The following SMIM14 variants were observed in gnomAD, a reference collection of about 807,000 sequenced individuals.
SMIM14 encodes chromosome 4 open reading frame 34.
A neutral mutation model predicts 12.6 loss-of-function variants in SMIM14; 5 were observed. That is an observed-to-expected ratio of 0.40 (90% confidence interval 0.21 to 0.83). The LOEUF (loss-of-function observed/expected upper bound fraction) is 0.83, where lower values mean the gene tolerates loss of function less well. Ranked by LOEUF, SMIM14 falls within the 40% of genes least tolerant of loss-of-function variation. SMIM14 has a pLI of 0.37. For missense variants in SMIM14, 86 were observed against 119.1 expected, an observed-to-expected ratio of 0.72 and a Z score of 1.29; for synonymous variants, 30 against 40.1, an observed-to-expected ratio of 0.75 and a Z score of 0.95.
At chr4:39,597,482 T>C (rs1714419076) in intron 2 of SMIM14, among the ~76,000 whole-genome samples, 1 of 148,194 alleles carries the variant, frequency 6.7e-6, no homozygotes. Context: ...CTGGCTCTGT[T>C]GCCCAGGCTG....
chr4:39,628,659 G>A (rs1192859421), intron 1 of SMIM14, among the ~76,000 whole-genome samples: 1 of 150,230 alleles, frequency 6.7e-6, no homozygotes, highest in Non-Finnish European at 1.5e-5. Flanking sequence ...TCCAGCCTGG[G>A]TGACAAGGCG....
chr4:39,606,453 C>T (rs1444296528), intron 1 of SMIM14, among the ~76,000 whole-genome samples: 1 of 151,844 alleles, frequency 6.6e-6, no homozygotes, highest in Non-Finnish European at 1.5e-5. Flanking sequence ...CCATCCTGGC[C>T]AACATGGTGA....
At position 39,598,120 on chromosome 4, in the gene SMIM14, G is replaced by C. The variant is rs181418105; in HGVS notation, c.75+6951C>G. On this transcript the variant is annotated intron_variant, in intron 2 of 4. Coordinates refer to ENST00000295958, the MANE Select transcript of SMIM14 (RefSeq NM_174921.3). ...AAAAGTTTTCTACTTGTCTTAGACA[G>C]CAACTCTCGTGGTTTTAGCCTGGTA... Among the ~76,000 whole-genome samples the C allele has an allele frequency of 2.0e-5, 3 of 152,284 alleles. No individual in the cohort carries two copies. In the East Asian group the frequency reaches 5.8e-4, roughly 29 times the overall value.
intron 2 of SMIM14, among the ~76,000 whole-genome samples, chr4:39,602,275 T>C (rs1458012753): frequency 2.0e-5 from 3 of 147,268 alleles, no homozygotes; most frequent in Non-Finnish European, 4.5e-5. Context: ...TGATAATGGA[T>C]GCATGAGAGG....
chr4:39,620,922 T>G (rs1168916192), intron 1 of SMIM14: 1 of 152,138 alleles, frequency 6.6e-6, no homozygotes, highest in African/African-American at 2.4e-5. Flanking sequence ...CCTCAAAATA[T>G]ATCTATTTAT....
chr4:39,602,330 C>T (rs10030596), intron 2 of SMIM14, among the ~76,000 whole-genome samples: 54,693 of 151,698 alleles, frequency 0.36, 10,144 homozygotes, highest in Non-Finnish European at 0.39. Flanking sequence ...CGCAGTGGCT[C>T]ACGCCTGTAA....
chr4:39,628,658 G>C (rs1715789736), intron 1 of SMIM14, among the ~76,000 whole-genome samples: 1 of 149,954 alleles, frequency 6.7e-6, no homozygotes, highest in Non-Finnish European at 1.5e-5. Flanking sequence ...CTCCAGCCTG[G>C]GTGACAAGGC....
At chr4:39,572,277 CTTT>C (rs71192876) in intron 3 of SMIM14, 135 bp downstream of exon 3, 500 of 210,546 alleles carry the variant, frequency 2.4e-3, no homozygotes, top group African/African-American at 8.3e-3. Flanking sequence ...GTATGTGTCG[CTTT>C]TTTTTTTTTT....
intron 3 of SMIM14, among the ~76,000 whole-genome samples, chr4:39,565,606 C>A (rs1014881483): frequency 1.3e-5 from 2 of 152,174 alleles, no homozygotes; most frequent in African/African-American, 4.8e-5. Flanking sequence ...CAAGTGTGAT[C>A]CACTGTGCCC....
chr4:39,608,175 G>A (rs941218738), intron 1 of SMIM14, among the ~76,000 whole-genome samples: 1 of 152,112 alleles, frequency 6.6e-6, no homozygotes, highest in Non-Finnish European at 1.5e-5. Flanking sequence ...TAAGAGATTT[G>A]AAAACATAGA....
At chr4:39,620,845 AAC>A (rs146912933) in intron 1 of SMIM14, among the ~76,000 whole-genome samples, 3,642 of 151,992 alleles carry the variant, frequency 0.024, 61 homozygotes, top group Middle Eastern at 0.058. Flanking sequence ...ATGGTGTGCA[AAC>A]ACACACACAC....
At chr4:39,621,795 T>C (rs1451392183) in intron 1 of SMIM14, among the ~76,000 whole-genome samples, 1 of 148,674 alleles carries the variant, frequency 6.7e-6, no homozygotes, top group African/African-American at 2.5e-5. Context: ...CAGGCTCAAG[T>C]GATCCCATCC....
At chr4:39,559,483 C>T (rs1238534073) in intron 3 of SMIM14, among the ~76,000 whole-genome samples, 3 of 151,970 alleles carry the variant, frequency 2.0e-5, no homozygotes, top group Admixed American at 2.0e-4. Flanking sequence ...ATTACTAAAA[C>T]AGCTTGTCAA....
At chr4:39,635,228 T>G (rs903951573) in intron 1 of SMIM14, among the ~76,000 whole-genome samples, 1 of 151,930 alleles carries the variant, frequency 6.6e-6, no homozygotes. Flanking sequence ...AAAATGCAAG[T>G]GGGATTAGAA....
chr4:39,613,575 A>T (rs1715108961), intron 1 of SMIM14, among the ~76,000 whole-genome samples: 1 of 152,244 alleles, frequency 6.6e-6, no homozygotes, highest in Non-Finnish European at 1.5e-5. Context: ...CCCACCGCAC[A>T]TTTAAATCCC....
intron 1 of SMIM14, 59 bp downstream of exon 1, chr4:39,638,680 A>C: frequency 1.0e-6 from 1 of 984,248 alleles, no homozygotes; most frequent in African/African-American, 1.7e-5. Context: ...CCCCAGGAAA[A>C]ACTGGGGCGA....
intron 3 of SMIM14, among the ~76,000 whole-genome samples, chr4:39,561,342 C>A (rs1712299404): frequency 6.6e-6 from 1 of 152,154 alleles, no homozygotes; most frequent in East Asian, 1.9e-4. Flanking sequence ...GGGGCTCATG[C>A]CTGTAATCCC....
At chr4:39,601,946 T>TA (rs200465052) in intron 2 of SMIM14, among the ~76,000 whole-genome samples, 2 of 77,280 alleles carry the variant, frequency 2.6e-5, no homozygotes, top group Non-Finnish European at 5.4e-5. Context: ...AGACCCTATC[T>TA]TAAAAAAAAA....
At chr4:39,598,117 A>T (rs1416985941) in intron 2 of SMIM14, among the ~76,000 whole-genome samples, 2 of 152,144 alleles carry the variant, frequency 1.3e-5, no homozygotes, top group African/African-American at 2.4e-5. Context: ...CTTGTCTTAG[A>T]CAGCAACTCT....
Sources: allele counts gnomAD v4.1 joint callset (sites outside exome capture counted in the v4.1 genomes callset), GRCh38; gene constraint gnomAD v4.1.1; transcripts MANE v1.5; gene names NCBI Gene and HGNC (gene_info 2026-07-23, HGNC 2026-07-21).